The following XIRP2 variants were observed in gnomAD, a reference collection of about 807,000 sequenced individuals.
XIRP2 encodes the protein xin actin-binding repeat-containing protein 2.
Under a neutral mutation model 277.0 loss-of-function variants are expected in XIRP2, and 236 were observed. That is an observed-to-expected ratio of 0.85 (90% confidence interval 0.77 to 0.95). The LOEUF (loss-of-function observed/expected upper bound fraction) is 0.95. Among genes scored for constraint, XIRP2 ranks in the 40% least tolerant of loss-of-function variants. The probability of loss-of-function intolerance (pLI) is 0.00; values close to 1 mark genes in which losing one functional copy is unlikely to be tolerated. For missense variants in XIRP2, 4,640 were observed against 4,157.5 expected (o/e 1.12, Z -3.19); for synonymous variants, 1,490 against 1,416.5 (o/e 1.05, Z -1.17).
chr2:167,009,348 A>G (rs943793361), intron 2 of XIRP2, among the ~76,000 whole-genome samples: 19 of 151,612 alleles, frequency 1.3e-4, no homozygotes, highest in Admixed American at 1.1e-3. Flanking sequence ...TTTTGCTGAG[A>G]ATGATGCTTT....
At chr2:166,896,589 G>T (rs936701895) in intron 1 of XIRP2, among the ~76,000 whole-genome samples, 10 of 151,606 alleles carry the variant, frequency 6.6e-5, no homozygotes, top group African/African-American at 2.4e-4. Flanking sequence ...GTGTTATTAA[G>T]AAAGAGTCAA....
chr2:167,107,570 C>T (rs1221057905), intron 2 of XIRP2, among the ~76,000 whole-genome samples: 1 of 151,344 alleles, frequency 6.6e-6, no homozygotes, highest in Non-Finnish European at 1.5e-5. Flanking sequence ...ATAGTATATA[C>T]CTATTTTGTA....
intron 2 of XIRP2, among the ~76,000 whole-genome samples, chr2:166,911,099 G>T (rs1315414160): frequency 6.6e-6 from 1 of 152,168 alleles, no homozygotes; most frequent in Non-Finnish European, 1.5e-5. Flanking sequence ...GTTGATTTGG[G>T]GTGGAGAGTT....
At chr2:167,186,603 G>A (rs1166726242) in intron 3 of XIRP2, among the ~76,000 whole-genome samples, 2 of 152,032 alleles carry the variant, frequency 1.3e-5, no homozygotes. Flanking sequence ...TTGGGTTCTG[G>A]GTCAGATTGG....
intron 2 of XIRP2, among the ~76,000 whole-genome samples, chr2:166,908,788 T>C (rs1006521146): frequency 6.6e-6 from 1 of 152,214 alleles, no homozygotes; most frequent in Non-Finnish European, 1.5e-5. Context: ...GAATTAATTT[T>C]TCATATAAGG....
Position 167,128,466 on chromosome 2 carries a change from G to A in XIRP2, c.409-7443G>A, listed in dbSNP as rs564021896. On this transcript the variant is annotated intron_variant, in intron 2 of 10. Coordinates refer to ENST00000409195, the MANE Select transcript of XIRP2 (RefSeq NM_152381.6). ...ACAGTGTTGGCGAGCTGGGAAACCC[G>A]TGAATATGGAAAGCTGACTTCATAT... is the stretch of plus-strand genomic sequence containing the variant. Among the ~76,000 whole-genome samples, 6 of 151,936 alleles carry A rather than the reference G, an allele frequency of 3.9e-5. No individual in the cohort carries two copies. In the South Asian group the frequency reaches 6.2e-4, roughly 16 times the overall value.
intron 2 of XIRP2, among the ~76,000 whole-genome samples, chr2:167,098,602 T>G (rs1249601573): frequency 2.0e-5 from 3 of 152,240 alleles, no homozygotes; most frequent in Non-Finnish European, 4.4e-5. Flanking sequence ...GGAATTGTGA[T>G]CCTTTGGAGG....
chr2:167,125,131 T>A (rs920838527), intron 2 of XIRP2, among the ~76,000 whole-genome samples: 1 of 152,196 alleles, frequency 6.6e-6, no homozygotes, highest in Non-Finnish European at 1.5e-5. Flanking sequence ...GTGATGATGT[T>A]GTGACGATCA....
chr2:167,201,273 A>AGGGAAGGAAGG (rs1559018491), intron 3 of XIRP2, among the ~76,000 whole-genome samples: 4 of 100,810 alleles, frequency 4.0e-5, no homozygotes, highest in African/African-American at 2.2e-4. Context: ...AGAGAGGGAG[A>AGGGAAGGAAGG]AAGGAAAGAA....
chr2:167,172,657 G>GAAAT (rs559427963), intron 3 of XIRP2, among the ~76,000 whole-genome samples: 15,003 of 152,212 alleles, frequency 0.099, 782 homozygotes, highest in South Asian at 0.15. Flanking sequence ...TGAAAGAAGA[G>GAAAT]ATGGCTCTGT....
chr2:167,067,018 T>A (rs1689318186), intron 2 of XIRP2, among the ~76,000 whole-genome samples: 1 of 152,260 alleles, frequency 6.6e-6, no homozygotes, highest in Non-Finnish European at 1.5e-5. Flanking sequence ...TTTGGGGTAG[T>A]TCTATTACTT....
intron 2 of XIRP2, among the ~76,000 whole-genome samples, chr2:166,946,361 A>G (rs1050292490): frequency 2.0e-5 from 3 of 152,126 alleles, no homozygotes; most frequent in Non-Finnish European, 4.4e-5. Flanking sequence ...CAAACTATCC[A>G]TTTGCTTGTC....
chr2:166,924,338 TG>T (rs1185590639), intron 2 of XIRP2, among the ~76,000 whole-genome samples: 1 of 152,046 alleles, frequency 6.6e-6, no homozygotes, highest in Non-Finnish European at 1.5e-5. Context: ...TCTTCAGAAT[TG>T]TTAGCACTCT....
intron 3 of XIRP2, among the ~76,000 whole-genome samples, chr2:167,209,389 G>A (rs1559021547): frequency 6.6e-6 from 1 of 152,098 alleles, no homozygotes; most frequent in Non-Finnish European, 1.5e-5. Context: ...AATTCAATAA[G>A]ATGGTTCAAC....
chr2:166,977,874 T>A (rs1284785249), intron 2 of XIRP2, among the ~76,000 whole-genome samples: 1 of 152,182 alleles, frequency 6.6e-6, no homozygotes, highest in Non-Finnish European at 1.5e-5. Context: ...GGGGCAAAAT[T>A]AGCCTCAAAC....
chr2:167,170,859 G>T, intron 3 of XIRP2, among the ~76,000 whole-genome samples: 1 of 145,000 alleles, frequency 6.9e-6, no homozygotes, highest in East Asian at 2.0e-4. Context: ...TCTTTTTTCA[G>T]CTGCTAAGGT....
intron 2 of XIRP2, among the ~76,000 whole-genome samples, chr2:166,954,833 A>G (rs1188618653): frequency 1.3e-5 from 2 of 151,936 alleles, no homozygotes; most frequent in Non-Finnish European, 2.9e-5. Flanking sequence ...TAAACACTGC[A>G]TGTTCTTACT....
At chr2:166,949,510 G>A (rs1685972605) in intron 2 of XIRP2, among the ~76,000 whole-genome samples, 1 of 152,034 alleles carries the variant, frequency 6.6e-6, no homozygotes, top group African/African-American at 2.4e-5. Context: ...TTTTCACCTT[G>A]AGGGGTTTTG....
intron 2 of XIRP2, among the ~76,000 whole-genome samples, chr2:166,949,672 A>C (rs1685976323): frequency 1.3e-5 from 2 of 152,048 alleles, no homozygotes; most frequent in African/African-American, 2.4e-5. Flanking sequence ...ACAATCTATC[A>C]CCAACTGTGA....
Sources: gnomAD v4.1 joint callset for allele counts (sites outside exome capture counted in the v4.1 genomes callset) on GRCh38, gnomAD v4.1.1 for gene constraint, MANE v1.5 for transcripts, NCBI Gene and HGNC (gene_info 2026-07-23, HGNC 2026-07-21) for gene names.